The following TPM1 variants were observed in gnomAD, a reference collection of about 807,000 sequenced individuals.
TPM1 encodes tropomyosin 1, also known as tropomyosin alpha-1 chain.
Under a neutral mutation model 42.9 loss-of-function variants are expected in TPM1, and 24 were observed. The observed-to-expected ratio is 0.56, with a 90% CI of 0.41 to 0.79. The LOEUF (loss-of-function observed/expected upper bound fraction) is 0.79, where lower values mean the gene tolerates loss of function less well. Among genes scored for constraint, TPM1 ranks in the 30% least tolerant of loss-of-function variants. TPM1 has a pLI of 0.00. For synonymous variants in TPM1, 136 were observed against 130.1 expected, an observed-to-expected ratio of 1.05 and a Z score of -0.31; for missense variants, 158 against 351.8, an observed-to-expected ratio of 0.45 and a Z score of 4.41.
At chr15:63,052,289 G>A (rs766139607) in intron 2 of TPM1, among the ~76,000 whole-genome samples, 7 of 152,170 alleles carry the variant, frequency 4.6e-5, no homozygotes, top group East Asian at 1.9e-4. Context: ...TTGGGCGGCC[G>A]AGACGGGTGG....
downstream of TPM1, chr15:63,070,794 C>G (rs969976756): frequency 2.5e-6 from 3 of 1,220,014 alleles, no homozygotes; most frequent in African/African-American, 3.1e-5. Context: ...CCTGTTCCCA[C>G]GGCACACCGT....
At chr15:63,043,843 G>A (rs1237252493) in intron 1 of TPM1, 184 bp from the exon 2 acceptor site, 3 of 1,548,432 alleles carry the variant, frequency 1.9e-6, no homozygotes, top group African/African-American at 2.7e-5. Context: ...TACCCGGGGC[G>A]CGCGGCACGG....
chr15:63,060,291 C>T (rs2035439163), intron 4 of TPM1, among the ~76,000 whole-genome samples: 1 of 152,124 alleles, frequency 6.6e-6, no homozygotes, highest in South Asian at 2.1e-4. Flanking sequence ...TTTTTATTAC[C>T]ATTATTACCT....
chr15:63,048,489 A>C (rs1427409161), intron 2 of TPM1: 2 of 1,443,878 alleles, frequency 1.4e-6, no homozygotes, highest in East Asian at 5.7e-5. Context: ...GGCGCTGGGC[A>C]GCCAGGACAG....
chr15:63,045,760 G>A (rs1385538717), intron 2 of TPM1: 1 of 152,210 alleles, frequency 6.6e-6, no homozygotes, highest in Non-Finnish European at 1.5e-5. Context: ...CGCTGGAATG[G>A]GGTGGGGCAG....
chr15:63,048,372 C>T, intron 2 of TPM1: 1 of 1,319,888 alleles, frequency 7.6e-7, no homozygotes, highest in East Asian at 3.5e-5. Flanking sequence ...CAGCCGCGCG[C>T]GCCCGCCTGC....
intron 2 of TPM1, among the ~76,000 whole-genome samples, chr15:63,055,340 A>ATGCCCTACTCACCTCTCT (rs1256023829): frequency 1.3e-5 from 2 of 152,196 alleles, no homozygotes; most frequent in Non-Finnish European, 2.9e-5. Flanking sequence ...GTGGTTGGAG[A>ATGCCCTACTCACCTCTCT]TGCCCTACTC....
At chr15:63,048,787 C>CT in intron 2 of TPM1, 1 of 1,492,052 alleles carries the variant, frequency 6.7e-7, no homozygotes. Context: ...CCTGCTTCCC[C>CT]CCCCGCAGGC....
chr15:63,065,199 A>C, intron 9 of TPM1: 1 of 985,434 alleles, frequency 1.0e-6, no homozygotes, highest in South Asian at 4.7e-5. Flanking sequence ...TCATGAGAAG[A>C]ACCTTGAACA....
intron 9 of TPM1, chr15:63,065,608 C>A: frequency 1.0e-6 from 1 of 985,188 alleles, no homozygotes; most frequent in East Asian, 1.1e-4. Context: ...CTTTTTGCAT[C>A]AAGTATGATT....
At chr15:63,043,293 G>A (rs1412601719) in intron 1 of TPM1, 1 of 519,396 alleles carries the variant, frequency 1.9e-6, no homozygotes, top group Non-Finnish European at 3.7e-6. Flanking sequence ...GAGAAAGGGG[G>A]TCGAGTAACT....
rs730881151 is a variant in TPM1, at chr15:63,042,891, G to T, written c.62G>T (p.Arg21Leu). ...LKLDKENALD[R>L]AEQAEADKKA... is the part of the protein sequence containing the mutation. Reference sequence around the variant, plus strand: ...CTCGACAAGGAGAACGCCTTGGATCGAGCTGAGCAGGCGGAGGCCGACAAG... The same window carrying T: ...CTCGACAAGGAGAACGCCTTGGATCTAGCTGAGCAGGCGGAGGCCGACAAG... Residue 21 changes from arginine to leucine, a missense_variant, in exon 1 of 10, where the codon CGA (arginine) becomes CTA (leucine). By Grantham distance (102) the Arg-to-Leu change is moderately radical (BLOSUM62 -2). This residue lies in a region of TPM1 where 24 missense variants were observed against 26.8 expected (regional missense o/e 0.89). Transcript: ENST00000403994. The T allele has an allele frequency of 9.9e-6, 16 of 1,612,874 alleles. No homozygotes were observed. Among genetic ancestry groups the T allele is most frequent in the Admixed American group, 8.3e-5 (5 of 59,944 alleles).
intron 2 of TPM1, chr15:63,048,841 C>A: frequency 8.2e-7 from 1 of 1,226,846 alleles, no homozygotes; most frequent in Non-Finnish European, 1.1e-6. Context: ...CCTGGCGCAC[C>A]TGGGCCAGCT....
At chr15:63,048,805 C>A in intron 2 of TPM1, 3 of 1,478,440 alleles carry the variant, frequency 2.0e-6, no homozygotes, top group Non-Finnish European at 1.8e-6. Flanking sequence ...GGCCCCGGTC[C>A]CTCGTCCCCA....
chr15:63,065,991 T>C lies in TPM1; in HGVS notation c.*92T>C, dbSNP rs764235066. The C allele has an allele frequency of 1.3e-6, 2 of 1,570,372 alleles. No individual in the cohort carries two copies. Among genetic ancestry groups the C allele is most frequent in the South Asian group, 2.3e-5 (2 of 85,850 alleles). On this transcript the variant is annotated 3_prime_UTR_variant, in exon 10 of 10. Transcript: ENST00000403994. ...CATTTGTCTATTCTCCAGCTGACCC[T>C]GGTTCTCTCTCTTAGCATCCTGCCT...
In TPM1 at chr15:63,060,899, G is replaced by A. The variant is rs104894503; in HGVS notation, c.523G>A (p.Asp175Asn). The change falls in exon 5 of 10, where the codon GAC becomes AAC. Residue 175 changes from aspartate (D) to asparagine (N), a missense_variant. Physicochemically the swap from Asp to Asn is conservative, Grantham distance 23. This residue lies in a region of TPM1 where 65 missense variants were observed against 208.8 expected (regional missense o/e 0.31). Coordinates refer to ENST00000403994, the MANE Select transcript of TPM1 (RefSeq NM_001018005.2). ...VARKLVIIES[D>N]LERAEERAEL... The stretch of plus-strand genomic sequence containing the variant: ...CCGTAAGCTGGTCATCATTGAGAGC[G>A]ACCTGGAACGTGCAGAGGAGCGGGC... The A allele has an allele frequency of 8.7e-6, 14 of 1,614,042 alleles. No homozygotes were observed. Among genetic ancestry groups the A allele is most frequent in the South Asian group, 1.1e-5 (1 of 91,062 alleles).
chr15:63,070,747 A>G (rs1370843737), downstream of TPM1: 70 of 1,136,906 alleles, frequency 6.2e-5, no homozygotes, highest in Non-Finnish European at 6.8e-5. Context: ...TTCAGTTTGT[A>G]TAACAGTGCT....
chr15:63,059,445 C>T (rs534608716), intron 3 of TPM1, 118 bp from the exon 4 acceptor site: 4 of 728,244 alleles, frequency 5.5e-6, no homozygotes, highest in Admixed American at 5.5e-5. Flanking sequence ...ATAAAAGTAG[C>T]TCTGTGCTCT....
chr15:63,049,296 A>G (rs1011804307), intron 2 of TPM1: 2 of 155,982 alleles, frequency 1.3e-5, no homozygotes, highest in Admixed American at 6.5e-5. Context: ...TATAGTGCAA[A>G]ACCCTTAACC....
Sources: allele counts gnomAD v4.1 joint callset (sites outside exome capture counted in the v4.1 genomes callset), GRCh38; gene constraint gnomAD v4.1.1; regional missense constraint gnomAD v4.1.1; transcripts MANE v1.5; gene names NCBI Gene and HGNC (gene_info 2026-07-23, HGNC 2026-07-21).